DYDC1: variants seen among roughly 807,000 people sequenced by gnomAD.
DYDC1 encodes the protein DPY30 domain containing 1, also known as DPY30 domain-containing protein 1.
A neutral mutation model predicts 27.9 loss-of-function variants in DYDC1; 21 were observed. That is an observed-to-expected ratio of 0.75 (90% CI 0.53 to 1.08). The LOEUF is 1.08. DYDC1 is among the 50% of genes least tolerant of loss of function. The pLI, the probability that DYDC1 is intolerant of heterozygous loss-of-function variation, is 0.00. For missense variants in DYDC1, 202 were observed against 205.9 expected, an observed-to-expected ratio of 0.98 and a Z score of 0.12; for synonymous variants, 67 against 65.8, an observed-to-expected ratio of 1.02 and a Z score of -0.09.
intron 3 of DYDC1, among the ~76,000 whole-genome samples, chr10:80,350,330 T>C (rs1047248558): frequency 6.6e-6 from 1 of 152,182 alleles, no homozygotes. Flanking sequence ...TATCTCCCAC[T>C]TACGATGTAA....
intron 1 of DYDC1, among the ~76,000 whole-genome samples, chr10:80,353,327 A>AT (rs1269972658): frequency 6.6e-6 from 1 of 150,944 alleles, no homozygotes; most frequent in East Asian, 2.0e-4. Context: ...TGTCTGGCTA[A>AT]TTTTTTTTGT....
intron 3 of DYDC1, among the ~76,000 whole-genome samples, chr10:80,345,329 A>C (rs944855939): frequency 6.6e-5 from 10 of 152,196 alleles, no homozygotes; most frequent in African/African-American, 2.2e-4. Flanking sequence ...TATTGTGTAA[A>C]TTGAAGATGC....
chr10:80,350,650 T>C (rs1408179501), intron 3 of DYDC1, among the ~76,000 whole-genome samples: 2 of 152,238 alleles, frequency 1.3e-5, no homozygotes, highest in Non-Finnish European at 2.9e-5. Context: ...AGAAGCTATT[T>C]GCCAGGTCTA....
intron 4 of DYDC1, among the ~76,000 whole-genome samples, chr10:80,340,672 G>A (rs1417221): frequency 0.76 from 114,930 of 152,128 alleles, 44,470 homozygotes; most frequent in East Asian, 0.97. Flanking sequence ...GTTTAGATCC[G>A]TGAATCTTTT....
At chr10:80,343,540 G>A (rs886821697) in intron 3 of DYDC1, among the ~76,000 whole-genome samples, 4 of 152,094 alleles carry the variant, frequency 2.6e-5, no homozygotes, top group Non-Finnish European at 5.9e-5. Context: ...TCAGGAGCGA[G>A]GCAGGAGGAT....
At chr10:80,348,616 G>A (rs960090121) in intron 3 of DYDC1, among the ~76,000 whole-genome samples, 2 of 152,214 alleles carry the variant, frequency 1.3e-5, no homozygotes, top group African/African-American at 4.8e-5. Flanking sequence ...CTCAACGTAA[G>A]TGCAAAGGAA....
intron 3 of DYDC1, among the ~76,000 whole-genome samples, chr10:80,345,531 T>C (rs1444270294): frequency 6.6e-6 from 1 of 152,206 alleles, no homozygotes. Context: ...TTATTCATAC[T>C]ACACAATTGC....
At chr10:80,339,960 G>C (rs556962086) in intron 4 of DYDC1, among the ~76,000 whole-genome samples, 8 of 152,266 alleles carry the variant, frequency 5.3e-5, no homozygotes, top group Admixed American at 2.6e-4. Context: ...ATGGATATTT[G>C]ACACAAACTA....
chr10:80,356,619 G>C, intron 1 of DYDC1, 93 bp downstream of exon 1: 8 of 985,526 alleles, frequency 8.1e-6, no homozygotes, highest in African/African-American at 1.7e-5. Flanking sequence ...CGACGCCCAA[G>C]GCCCAACGGT....
At chr10:80,352,333 A>C in intron 2 of DYDC1, 122 bp downstream of exon 2, 5 of 1,310,102 alleles carry the variant, frequency 3.8e-6, no homozygotes, top group Non-Finnish European at 5.0e-6. Flanking sequence ...ATGTTGTTCA[A>C]GTTTTTGTAT....
intron 3 of DYDC1, among the ~76,000 whole-genome samples, chr10:80,349,560 T>A (rs889384764): frequency 1.3e-5 from 2 of 152,252 alleles, no homozygotes; most frequent in East Asian, 3.8e-4. Flanking sequence ...AGGTAATTTC[T>A]TAGTATTCCT....
At chr10:80,338,083 T>G (rs1842191503) in intron 6 of DYDC1, 5 of 985,310 alleles carry the variant, frequency 5.1e-6, no homozygotes, top group Non-Finnish European at 6.0e-6. Flanking sequence ...AATAAACAAA[T>G]GTACTTACAT....
intron 3 of DYDC1, chr10:80,344,765 T>G (rs1227419083): frequency 3.1e-6 from 1 of 327,314 alleles, no homozygotes; most frequent in Non-Finnish European, 5.9e-6. Flanking sequence ...ATGTAAGAAG[T>G]GCCTTTCGCC....
At chr10:80,339,847 T>C (rs1564658828) in intron 4 of DYDC1, among the ~76,000 whole-genome samples, 1 of 152,178 alleles carries the variant, frequency 6.6e-6, no homozygotes, top group Non-Finnish European at 1.5e-5. Context: ...AGCACTGTTT[T>C]CCCAAGACCA....
At chr10:80,339,402 G>A (rs936203772) in intron 4 of DYDC1, among the ~76,000 whole-genome samples, 2 of 151,982 alleles carry the variant, frequency 1.3e-5, no homozygotes, top group African/African-American at 4.8e-5. Flanking sequence ...AAATGAAATG[G>A]ACTGAAACAG....
In DYDC1 at chr10:80,339,079, ATG is replaced by A. The variant is rs752234075; in HGVS notation, c.399+16_399+17del. 1 of 1,360,678 alleles carries A rather than the reference ATG, an allele frequency of 7.3e-7. No individual in the cohort carries two copies. The highest frequency in any genetic ancestry group is 1.5e-5 in the South Asian group (1 of 68,596). The allele number at this position is 1,360,678 out of a possible 1,614,324, so 84.3% of individuals were successfully genotyped here. On this transcript the variant is annotated intron_variant, in intron 5 of 6. Transcript: ENST00000372202. ...CTCAATTCATTTCACATAACATAGA[ATG>A]ACTTTTTCTTCTCACCTCTGAATGT...
intron 3 of DYDC1, among the ~76,000 whole-genome samples, chr10:80,347,852 A>T (rs938866797): frequency 4.6e-5 from 7 of 152,132 alleles, no homozygotes; most frequent in African/African-American, 1.7e-4. Flanking sequence ...TGTAATTACT[A>T]TGGCTTTGTA....
intron 4 of DYDC1, among the ~76,000 whole-genome samples, chr10:80,339,905 G>T (rs887710331): frequency 6.6e-6 from 1 of 152,074 alleles, no homozygotes; most frequent in African/African-American, 2.4e-5. Context: ...AGGCTATATG[G>T]GGAACATCCA....
Position 80,351,882 on chromosome 10 carries a change from A to G in DYDC1, c.249+19T>C. The G allele has an allele frequency of 6.2e-7, 1 of 1,611,856 alleles. No individual in the cohort carries two copies. The highest frequency in any genetic ancestry group is 8.5e-7 in the Non-Finnish European group (1 of 1,178,550). On this transcript the variant is annotated intron_variant, in intron 3 of 6. Transcript: ENST00000372202. ...CATCGTTAATTCCAGTCCCCTCTGAACTCTCCTACTTGCCTCACCTGCTGA... is the reference window on the plus strand; with the variant it reads ...CATCGTTAATTCCAGTCCCCTCTGAGCTCTCCTACTTGCCTCACCTGCTGA...
Sources: gnomAD v4.1 joint callset for allele counts (sites outside exome capture counted in the v4.1 genomes callset) on GRCh38, gnomAD v4.1.1 for gene constraint, MANE v1.5 for transcripts, NCBI Gene and HGNC (gene_info 2026-07-23, HGNC 2026-07-21) for gene names.